Variants in PARD3B observed in about 807,000 individuals in gnomAD.
The protein encoded by PARD3B is partitioning defective 3 homolog B.
In PARD3B, 103 loss-of-function variants were observed where a neutral mutation model predicts 130.2. That is an observed-to-expected ratio of 0.79 (90% confidence interval 0.67 to 0.93). The LOEUF (loss-of-function observed/expected upper bound fraction) is 0.93, where lower values mean the gene tolerates loss of function less well. PARD3B is among the 40% of genes least tolerant of loss of function. The pLI is 0.00. For missense variants in PARD3B, 1,609 were observed against 1,499.2 expected (o/e 1.07, Z -1.21); for synonymous variants, 583 against 553.2 (o/e 1.05, Z -0.76).
At chr2:205,595,253 G>A (rs1207845782) in intron 22 of PARD3B, among the ~76,000 whole-genome samples, 1 of 152,198 alleles carries the variant, frequency 6.6e-6, no homozygotes, top group Non-Finnish European at 1.5e-5. Flanking sequence ...CACCATAGAG[G>A]ACAAATGAAC....
intron 1 of PARD3B, among the ~76,000 whole-genome samples, chr2:204,578,500 G>A (rs544521780): frequency 3.2e-4 from 49 of 152,276 alleles, no homozygotes; most frequent in African/African-American, 1.2e-3. Flanking sequence ...TTCATAAAAG[G>A]TGGCTCTTGC....
chr2:205,605,857 C>T (rs1476375996), intron 22 of PARD3B, among the ~76,000 whole-genome samples: 1 of 152,194 alleles, frequency 6.6e-6, no homozygotes, highest in African/African-American at 2.4e-5. Flanking sequence ...AAGACTACAT[C>T]TGCTGATCCA....
intron 2 of PARD3B, among the ~76,000 whole-genome samples, chr2:204,898,664 G>A (rs2046734524): frequency 6.6e-6 from 1 of 152,146 alleles, no homozygotes; most frequent in South Asian, 2.1e-4. Context: ...ATTAACTCCA[G>A]TATTTCTTTG....
intron 10 of PARD3B, among the ~76,000 whole-genome samples, chr2:205,139,641 T>C (rs903256104): frequency 6.6e-6 from 1 of 152,168 alleles, no homozygotes; most frequent in Admixed American, 6.5e-5. Flanking sequence ...GTTTGGGATA[T>C]ACATAACAGT....
In PARD3B at chr2:204,810,111, G is replaced by T. The variant is rs72934220; in HGVS notation, c.222+123829G>T. ...TTTTTTTTTTAATCCTGAAATTTTG[G>T]TGAATTTGTTTATCAGCTGAAGGAG... On this transcript the variant is annotated intron_variant, in intron 2 of 22. Transcript: ENST00000406610. 6.3e-3 allele frequency among the ~76,000 whole-genome samples: 950 copies of T among 151,682 alleles called. 6 individuals carry two copies. Among genetic ancestry groups the T allele is most frequent in the Middle Eastern group, 0.024 (7 of 294 alleles).
intron 2 of PARD3B, among the ~76,000 whole-genome samples, chr2:204,876,026 AT>A (rs2045828732): frequency 6.6e-6 from 1 of 152,088 alleles, no homozygotes; most frequent in Admixed American, 6.5e-5. Flanking sequence ...TAGGACCTGG[AT>A]TTGAAGAGGG....
At chr2:205,526,589 C>T (rs1041498416) in intron 21 of PARD3B, among the ~76,000 whole-genome samples, 13 of 152,198 alleles carry the variant, frequency 8.5e-5, no homozygotes, top group African/African-American at 2.6e-4. Flanking sequence ...TGCCTGGCCA[C>T]GTTTTCATTT....
intron 22 of PARD3B, among the ~76,000 whole-genome samples, chr2:205,569,892 G>A (rs6752581): frequency 0.59 from 88,925 of 151,874 alleles, 26,488 homozygotes; most frequent in Middle Eastern, 0.73. Context: ...AGCCTCTGCC[G>A]TGTTAGCAAG....
intron 2 of PARD3B, among the ~76,000 whole-genome samples, chr2:204,942,057 C>A (rs1250095626): frequency 2.0e-5 from 3 of 152,056 alleles, no homozygotes; most frequent in Non-Finnish European, 2.9e-5. Flanking sequence ...GTGCAAAAAT[C>A]TGAGTAGCTA....
intron 2 of PARD3B, among the ~76,000 whole-genome samples, chr2:204,934,945 G>C (rs1688299356): frequency 6.6e-6 from 1 of 152,072 alleles, no homozygotes; most frequent in Admixed American, 6.5e-5. Flanking sequence ...TCTGAGCACA[G>C]ATTTATTGAC....
chr2:205,079,508 G>A (rs901791390), intron 4 of PARD3B, among the ~76,000 whole-genome samples: 2 of 152,090 alleles, frequency 1.3e-5, no homozygotes, highest in Non-Finnish European at 1.5e-5. Flanking sequence ...AAAAGGCTTC[G>A]CCAATTCCCT....
intron 2 of PARD3B, among the ~76,000 whole-genome samples, chr2:204,933,260 A>C (rs1487814288): frequency 1.3e-5 from 2 of 152,212 alleles, no homozygotes; most frequent in Non-Finnish European, 2.9e-5. Context: ...CTCAAGGAAG[A>C]GTAGAATATT....
intron 2 of PARD3B, among the ~76,000 whole-genome samples, chr2:204,851,728 A>C (rs1462403523): frequency 2.0e-5 from 3 of 152,092 alleles, no homozygotes; most frequent in African/African-American, 7.2e-5. Context: ...AAACACATGG[A>C]TGTAGCATTT....
At chr2:204,663,974 T>C (rs2035923675) in intron 1 of PARD3B, among the ~76,000 whole-genome samples, 1 of 152,166 alleles carries the variant, frequency 6.6e-6, no homozygotes, top group Non-Finnish European at 1.5e-5. Flanking sequence ...GGACAGCAGA[T>C]GAGAAACAGA....
At chr2:205,150,906 G>A (rs2033709490) in intron 10 of PARD3B, among the ~76,000 whole-genome samples, 1 of 151,920 alleles carries the variant, frequency 6.6e-6, no homozygotes, top group Non-Finnish European at 1.5e-5. Context: ...GGAGGAATAA[G>A]TTCAAGAGGT....
intron 2 of PARD3B, among the ~76,000 whole-genome samples, chr2:204,920,801 C>T (rs1401589493): frequency 1.3e-5 from 2 of 152,138 alleles, no homozygotes; most frequent in African/African-American, 4.8e-5. Flanking sequence ...CTGCCCTGCT[C>T]CTTTCTTCCC....
At chr2:205,061,038 A>C (rs1700035323) in intron 4 of PARD3B, among the ~76,000 whole-genome samples, 1 of 152,140 alleles carries the variant, frequency 6.6e-6, no homozygotes, top group South Asian at 2.1e-4. Context: ...ATTATGAAGT[A>C]TCTCCATAAT....
intron 2 of PARD3B, among the ~76,000 whole-genome samples, chr2:204,828,070 T>C (rs568109743): frequency 4.1e-4 from 62 of 152,022 alleles, no homozygotes; most frequent in African/African-American, 1.3e-3. Flanking sequence ...TAAAATGTAG[T>C]GCATCTGAAC....
At chr2:205,212,239 G>T (rs1342028910) in intron 15 of PARD3B, among the ~76,000 whole-genome samples, 11 of 152,034 alleles carry the variant, frequency 7.2e-5, no homozygotes, top group Non-Finnish European at 1.6e-4. Context: ...TGACTTTAAT[G>T]ATAAAAGTCT....
Sources: gnomAD v4.1 joint callset for allele counts (sites outside exome capture counted in the v4.1 genomes callset) on GRCh38, gnomAD v4.1.1 for gene constraint, MANE v1.5 for transcripts, NCBI Gene and HGNC (gene_info 2026-07-23, HGNC 2026-07-21) for gene names.